The following MTAP variants were observed in gnomAD, a reference collection of about 807,000 sequenced individuals.
MTAP encodes methylthioadenosine phosphorylase, also known as S-methyl-5'-thioadenosine phosphorylase.
A neutral mutation model predicts 33.6 loss-of-function variants in MTAP; 33 were observed. The ratio of observed to expected loss-of-function variants is 0.98; its 90% confidence interval spans 0.74 to 1.31. MTAP has a LOEUF of 1.31. Ranked by LOEUF, MTAP falls within the 40% of genes most tolerant of loss-of-function variation. The pLI, the probability that MTAP is intolerant of heterozygous loss-of-function variation, is 0.00. For synonymous variants in MTAP, 148 were observed against 125.7 expected (o/e 1.18, Z -1.19); for missense variants, 367 against 360.0 (o/e 1.02, Z -0.16).
chr9:21,888,148 T>C (rs1429113926), intron 1 of MTAP, among the ~76,000 whole-genome samples: 2 of 152,154 alleles, frequency 1.3e-5, no homozygotes, highest in Non-Finnish European at 2.9e-5. Flanking sequence ...CCTTTTGGAG[T>C]TGATTTCCAC....
Position 21,892,565 on chromosome 9 carries a change from C to T in MTAP, c.147+37695C>T, listed in dbSNP as rs184747025. The T allele has an allele frequency of 2.2e-4, 34 of 152,268 alleles. No homozygotes were observed. The East Asian group carries it at 6.2e-3, about 28-fold the overall frequency. The allele number at this position is 152,268 out of a possible 1,614,324, so 9.4% of individuals were successfully genotyped here. The stretch of plus-strand genomic sequence containing the variant: ...TAAAGGGTTTAATTCCACAGGAAGA[C>T]TTAATTATCCTAAATATATATGCAG... On this transcript the variant is annotated intron_variant, in intron 1 of 1. Transcript: ENST00000577563.
chr9:21,873,604 A>AC (rs1031170011), intron 1 of MTAP, among the ~76,000 whole-genome samples: 4 of 67,028 alleles, frequency 6.0e-5, no homozygotes, highest in African/African-American at 1.4e-4. Flanking sequence ...TTGGACTTCC[A>AC]CCCCCGCCCC....
intron 1 of MTAP, among the ~76,000 whole-genome samples, chr9:21,901,640 G>A (rs547106103): frequency 6.6e-6 from 1 of 152,260 alleles, no homozygotes; most frequent in Non-Finnish European, 1.5e-5. Context: ...TTTGCCAGGT[G>A]TATGGAGTTT....
At chr9:21,824,995 C>T (rs1185791349) in intron 4 of MTAP, among the ~76,000 whole-genome samples, 1 of 152,188 alleles carries the variant, frequency 6.6e-6, no homozygotes, top group Non-Finnish European at 1.5e-5. Flanking sequence ...CAGGTGCCGT[C>T]TGTCACCCCT....
chr9:21,840,976 C>T (rs990841442), intron 5 of MTAP, among the ~76,000 whole-genome samples: 1 of 152,082 alleles, frequency 6.6e-6, no homozygotes, highest in Non-Finnish European at 1.5e-5. Flanking sequence ...CTGGCTCTCC[C>T]CCACTACCCT....
In MTAP at chr9:21,848,521, T is replaced by C. The variant is rs1275673321; in HGVS notation, c.451-6110T>C. On this transcript the variant is annotated intron_variant, in intron 5 of 7. Coordinates refer to ENST00000644715, the MANE Select transcript of MTAP (RefSeq NM_002451.4). ...TTTACTTGCTTGGTTTGCTGAAATA[T>C]GGATTAAAAGGTGGCCCACTGTGAA... Among the ~76,000 whole-genome samples the C allele has an allele frequency of 3.3e-5, 5 of 152,188 alleles. No individual in the cohort carries two copies. The East Asian group carries it at 7.7e-4, about 23-fold the overall frequency.
intron 1 of MTAP, among the ~76,000 whole-genome samples, chr9:21,907,163 C>T (rs904522085): frequency 1.3e-5 from 2 of 152,124 alleles, no homozygotes; most frequent in Non-Finnish European, 2.9e-5. Context: ...ACTATGTGAA[C>T]CCGGTGGTGG....
At chr9:21,924,744 G>A (rs1818840723) in intron 1 of MTAP, among the ~76,000 whole-genome samples, 1 of 152,162 alleles carries the variant, frequency 6.6e-6, no homozygotes, top group Non-Finnish European at 1.5e-5. Context: ...CCTACCCAGG[G>A]CCATCCTCTG....
downstream of MTAP, chr9:21,931,281 T>C (rs568399486): frequency 1.2e-5 from 7 of 588,364 alleles, no homozygotes; most frequent in East Asian, 2.0e-4. Context: ...CTTCATCCAG[T>C]TTCCCAAAGA....
At position 21,873,185 on chromosome 9, in the gene MTAP, A is replaced by G. The variant is rs892754553; in HGVS notation, c.147+18315A>G. 1.2e-4 allele frequency among the ~76,000 whole-genome samples: 19 copies of G among 152,306 alleles called. No individual in the cohort carries two copies. In the South Asian group the frequency reaches 1.9e-3, roughly 15 times the overall value. On this transcript the variant is annotated intron_variant, in intron 1 of 1. Transcript: ENST00000577563. ...GTTTTAAGTTGGAAAAAAAAGTTAC[A>G]TAAAATGTATTCTATTGTCTTGGCA...
At chr9:21,891,644 G>A (rs1022571444) in intron 1 of MTAP, among the ~76,000 whole-genome samples, 5 of 152,166 alleles carry the variant, frequency 3.3e-5, no homozygotes, top group African/African-American at 7.2e-5. Context: ...CCAAACCTAT[G>A]AATGACTGAC....
rs574490483 is a variant in MTAP at position 21,827,110 on chromosome 9, G to A, written c.347+8908G>A. On this transcript the variant is annotated intron_variant, in intron 4 of 7. Transcript: ENST00000644715. ...AAAAGATTAGGGGCAGCTGTACTAG[G>A]GCCACCCCCTCCCCTATTCCTGGTA... 2.0e-5 allele frequency among the ~76,000 whole-genome samples: 3 copies of A among 152,228 alleles called. No individual in the cohort carries two copies. The Middle Eastern group carries it at 0.01, about 518-fold the overall frequency.
rs1374287018 is a variant in MTAP at position 21,815,453 on chromosome 9, A to G, written c.54A>G (p.Thr18=). The part of the protein sequence containing the change: ...TAVKIGIIGG[T]GLDDPEILEG... ...CTTAGATTGGAATAATTGGTGGAAC[A>G]GGCCTGGATGATCCAGAAATTTTAG... The change falls in exon 2 of 8, where the codon ACA becomes ACG. Residue 18 remains threonine, a synonymous_variant. Coordinates refer to ENST00000644715, the MANE Select transcript of MTAP (RefSeq NM_002451.4). 4 of 1,607,426 alleles carry G rather than the reference A, an allele frequency of 2.5e-6. No individual in the cohort carries two copies. Among genetic ancestry groups the G allele is most frequent in the East Asian group, 2.2e-5 (1 of 44,790 alleles).
At chr9:21,910,430 T>A (rs1287585681) in intron 1 of MTAP, among the ~76,000 whole-genome samples, 1 of 152,052 alleles carries the variant, frequency 6.6e-6, no homozygotes, top group African/African-American at 2.4e-5. Flanking sequence ...AATGGGGTGG[T>A]CACTATTGGA....
Position 21,820,366 on chromosome 9 carries a change from G to A in MTAP, c.347+2164G>A, listed in dbSNP as rs555330376. 1.0e-3 allele frequency among the ~76,000 whole-genome samples: 159 copies of A among 152,288 alleles called. 1 individual carries two copies. Among genetic ancestry groups the A allele is most frequent in the African/African-American group, 2.9e-3 (119 of 41,554 alleles). ...AGTTTCAGCTTTCTACACATGGCTAGCCAGTTTTCCCAGCACCATTTATGA... is the reference window on the plus strand; with the variant it reads ...AGTTTCAGCTTTCTACACATGGCTAACCAGTTTTCCCAGCACCATTTATGA... On this transcript the variant is annotated intron_variant, in intron 4 of 7. Transcript: ENST00000644715.
Position 21,863,385 on chromosome 9 carries a change from A to G in MTAP, c.*1371A>G. On this transcript the variant is annotated 3_prime_UTR_variant, in exon 8 of 8. Coordinates refer to ENST00000644715, the MANE Select transcript of MTAP (RefSeq NM_002451.4). ...CACTGTGGGAGGCCGAGACGGGTGG[A>G]TCACAAGGTCAGGAGATCGAGACCA... 7.0e-6 allele frequency: 6 copies of G among 851,458 alleles called. No individual in the cohort carries two copies. Among genetic ancestry groups the G allele is most frequent in the Non-Finnish European group, 8.5e-6 (6 of 708,140 alleles). The allele number at this position is 851,458 out of a possible 1,614,324, so 52.7% of individuals were successfully genotyped here.
chr9:21,898,804 C>G (rs900833546), intron 1 of MTAP, among the ~76,000 whole-genome samples: 12 of 152,134 alleles, frequency 7.9e-5, no homozygotes, highest in Non-Finnish European at 1.8e-4. Flanking sequence ...ACTAGTTCAA[C>G]CATTGTGGAA....
At chr9:21,837,630 T>G (rs1825143082) in intron 4 of MTAP, among the ~76,000 whole-genome samples, 1 of 152,138 alleles carries the variant, frequency 6.6e-6, no homozygotes, top group Non-Finnish European at 1.5e-5. Flanking sequence ...CACAGTTGAG[T>G]TGCACCTGCA....
At chr9:21,896,039 A>G (rs1434105265) in intron 1 of MTAP, among the ~76,000 whole-genome samples, 1 of 152,228 alleles carries the variant, frequency 6.6e-6, no homozygotes, top group Non-Finnish European at 1.5e-5. Context: ...AATGTAAAAG[A>G]ACAGAAATTA....
Sources: gnomAD v4.1 joint callset for allele counts (sites outside exome capture counted in the v4.1 genomes callset) on GRCh38, gnomAD v4.1.1 for gene constraint, MANE v1.5 for transcripts, NCBI Gene and HGNC (gene_info 2026-07-23, HGNC 2026-07-21) for gene names.